DNER: variants seen among roughly 807,000 people sequenced by gnomAD.
DNER encodes delta and Notch-like epidermal growth factor-related receptor.
In DNER, 33 loss-of-function variants were observed where a neutral mutation model predicts 78.2. The ratio of observed to expected loss-of-function variants is 0.42; its 90% CI spans 0.32 to 0.56. DNER has a LOEUF of 0.56. DNER is among the 20% of genes least tolerant of loss of function. DNER has a pLI of 0.11. For synonymous variants in DNER, 417 were observed against 384.8 expected (o/e 1.08, Z -0.98); for missense variants, 918 against 975.3 (o/e 0.94, Z 0.78).
Position 229,358,451 on chromosome 2 carries a change from C to A in DNER, c.*89G>T. 1 of 1,028,364 alleles carries A rather than the reference C, an allele frequency of 9.7e-7. No individual in the cohort carries two copies. The allele number at this position is 1,028,364 out of a possible 1,614,324, so 63.7% of individuals were successfully genotyped here. ...CTACTGAAAACTCTTGAGCAGCTAG[C>A]ATTTTAAATTTCTTAAGCTTTTTAT... On this transcript the variant is annotated 3_prime_UTR_variant, in exon 13 of 13. Coordinates refer to ENST00000341772, the MANE Select transcript of DNER (RefSeq NM_139072.4).
At chr2:229,555,814 G>GTGAT (rs1696845268) in intron 4 of DNER, among the ~76,000 whole-genome samples, 1 of 152,036 alleles carries the variant, frequency 6.6e-6, no homozygotes, top group South Asian at 2.1e-4. Flanking sequence ...TTACCAACTG[G>GTGAT]TGATTACCTT....
At chr2:229,476,328 C>T (rs57533953) in intron 7 of DNER, among the ~76,000 whole-genome samples, 2 of 152,052 alleles carry the variant, frequency 1.3e-5, no homozygotes, top group Non-Finnish European at 2.9e-5. Flanking sequence ...TGGCCTCTTA[C>T]CAACACCCTC....
chr2:229,424,798 G>T (rs1024475438), intron 8 of DNER, among the ~76,000 whole-genome samples: 6 of 152,160 alleles, frequency 3.9e-5, no homozygotes, highest in Admixed American at 3.3e-4. Flanking sequence ...TCACAAGACT[G>T]TTGGTATTTT....
chr2:229,610,882 C>T (rs747632035), intron 1 of DNER, among the ~76,000 whole-genome samples: 1 of 152,250 alleles, frequency 6.6e-6, no homozygotes, highest in Non-Finnish European at 1.5e-5. Context: ...AAGCTGAAGG[C>T]ACAAGGCACC....
At chr2:229,706,741 G>C (rs1327046606) in intron 1 of DNER, among the ~76,000 whole-genome samples, 3 of 152,118 alleles carry the variant, frequency 2.0e-5, no homozygotes, top group Non-Finnish European at 4.4e-5. Context: ...TTCATGCAAT[G>C]TGAGTTTTTT....
intron 1 of DNER, among the ~76,000 whole-genome samples, chr2:229,647,930 T>A (rs1698748540): frequency 6.6e-6 from 1 of 152,224 alleles, no homozygotes; most frequent in South Asian, 2.1e-4. Flanking sequence ...TACAAGTGAC[T>A]TACTTTCTTT....
chr2:229,495,847 T>G (rs1394292021), intron 6 of DNER, among the ~76,000 whole-genome samples: 3 of 152,238 alleles, frequency 2.0e-5, no homozygotes, highest in African/African-American at 7.2e-5. Context: ...CAGTCTGTAT[T>G]TGCTGCTCAC....
chr2:229,641,632 G>A (rs1359756996), intron 1 of DNER, among the ~76,000 whole-genome samples: 1 of 151,114 alleles, frequency 6.6e-6, no homozygotes, highest in Non-Finnish European at 1.5e-5. Context: ...TACAATGTTG[G>A]TCCTCTGATC....
At chr2:229,557,589 TACAA>T (rs1477521389) in intron 4 of DNER, among the ~76,000 whole-genome samples, 1 of 151,672 alleles carries the variant, frequency 6.6e-6, no homozygotes, top group East Asian at 1.9e-4. Flanking sequence ...TGCTGTGAAT[TACAA>T]GCAAGAAAGA....
chr2:229,363,985 C>CCTTTT (rs1692278574), intron 12 of DNER, among the ~76,000 whole-genome samples: 2 of 77,836 alleles, frequency 2.6e-5, no homozygotes, highest in East Asian at 3.6e-4. Flanking sequence ...CAATTCTCTG[C>CCTTTT]TTTTTTTTTT....
At chr2:229,448,704 G>A (rs1404333453) in intron 7 of DNER, among the ~76,000 whole-genome samples, 2 of 152,064 alleles carry the variant, frequency 1.3e-5, no homozygotes, top group African/African-American at 4.8e-5. Flanking sequence ...ATACATGTAG[G>A]TATATATGTT....
intron 7 of DNER, among the ~76,000 whole-genome samples, chr2:229,472,929 G>A (rs1015336523): frequency 4.6e-5 from 7 of 152,154 alleles, no homozygotes; most frequent in African/African-American, 7.2e-5. Flanking sequence ...CTGAAGGAGC[G>A]CAGCTATGAA....
intron 11 of DNER, among the ~76,000 whole-genome samples, chr2:229,371,096 C>G (rs1013433371): frequency 6.6e-6 from 1 of 152,208 alleles, no homozygotes; most frequent in African/African-American, 2.4e-5. Context: ...CCTCTCTCCC[C>G]CTGCCCTTTT....
chr2:229,367,090 C>G lies in DNER; in HGVS notation c.1885G>C (p.Glu629Gln). 6.2e-7 allele frequency: 1 copy of G among 1,614,100 alleles called. No homozygotes were observed. ...TGCCGTGGCATGTTGGTGAGGCTCT[C>G]CGCCATGTGCCCGGACTTCCATTGG... ...HLQWKSGHMA[E>Q]SLTNMPRHSL... The change falls in exon 12 of 13, where the codon GAG (glutamate) becomes CAG (glutamine). Residue 629 changes from glutamate (E) to glutamine (Q), a missense_variant. Transcript: ENST00000341772.
At chr2:229,564,484 T>TCATCAA (rs1419272505) in intron 4 of DNER, among the ~76,000 whole-genome samples, 1 of 147,016 alleles carries the variant, frequency 6.8e-6, no homozygotes, top group East Asian at 2.2e-4. Flanking sequence ...ATCGCCATCA[T>TCATCAA]CATCATCACA....
intron 1 of DNER, among the ~76,000 whole-genome samples, chr2:229,681,853 C>CACAT (rs1299769787): frequency 2.0e-5 from 3 of 146,936 alleles, no homozygotes; most frequent in East Asian, 3.9e-4. Flanking sequence ...CACACACACA[C>CACAT]ACACACACAC....
chr2:229,570,624 C>CAAAA (rs11432946), intron 4 of DNER, among the ~76,000 whole-genome samples: 1 of 140,560 alleles, frequency 7.1e-6, no homozygotes, highest in Non-Finnish European at 1.5e-5. Flanking sequence ...AACTCCATCT[C>CAAAA]AAAAAAAAAA....
At position 229,403,279 on chromosome 2, in the gene DNER, T is replaced by C. The variant is rs140544026; in HGVS notation, c.1723+3953A>G. ...ATACTCCTTGTATGGAAGCAGTTAA[T>C]ATTTTATCAGCCTCTCCTGTGGAAC... On this transcript the variant is annotated intron_variant, in intron 10 of 12. Coordinates refer to ENST00000341772, the MANE Select transcript of DNER (RefSeq NM_139072.4). Among the ~76,000 whole-genome samples the C allele has an allele frequency of 5.3e-5, 8 of 152,304 alleles. No individual in the cohort carries two copies. The East Asian group carries it at 1.5e-3, about 29-fold the overall frequency.
At chr2:229,397,053 A>C (rs1229809241) in intron 10 of DNER, among the ~76,000 whole-genome samples, 1 of 152,190 alleles carries the variant, frequency 6.6e-6, no homozygotes. Context: ...AATTTGCTAA[A>C]ACCTAGTAAT....
Sources: allele counts gnomAD v4.1 joint callset (sites outside exome capture counted in the v4.1 genomes callset), GRCh38; gene constraint gnomAD v4.1.1; transcripts MANE v1.5; gene names NCBI Gene and HGNC (gene_info 2026-07-23, HGNC 2026-07-21).